Variants in STXBP5L observed in about 807,000 individuals in gnomAD.
The protein encoded by STXBP5L is syntaxin binding protein 5L, also known as syntaxin-binding protein 5-like.
A neutral mutation model predicts 144.5 loss-of-function variants in STXBP5L; 65 were observed. The observed-to-expected ratio is 0.45, with a 90% CI of 0.37 to 0.55. The LOEUF (loss-of-function observed/expected upper bound fraction) is 0.55. Among genes scored for constraint, STXBP5L ranks in the 20% least tolerant of loss-of-function variants. The probability of loss-of-function intolerance (pLI) is 0.00; values close to 1 mark genes in which losing one functional copy is unlikely to be tolerated. For missense variants in STXBP5L, 1,298 were observed against 1,405.5 expected (o/e 0.92, Z 1.22); for synonymous variants, 505 against 469.6 (o/e 1.08, Z -0.97).
At chr3:121,393,098 T>C (rs1446494103) in intron 22 of STXBP5L, among the ~76,000 whole-genome samples, 1 of 152,014 alleles carries the variant, frequency 6.6e-6, no homozygotes, top group Non-Finnish European at 1.5e-5. Context: ...AGTCTATTTT[T>C]TTATTTTTTA....
At chr3:121,064,127 G>A (rs541707267) in intron 5 of STXBP5L, among the ~76,000 whole-genome samples, 57 of 152,248 alleles carry the variant, frequency 3.7e-4, no homozygotes, top group Admixed American at 1.6e-3. Context: ...TGTAGGCTCC[G>A]GAGGGAATCT....
rs148634759 is a variant in STXBP5L, at chr3:121,229,833, C to A, written c.1112-3783C>A. On this transcript the variant is annotated intron_variant, in intron 11 of 26. Transcript: ENST00000471454. ...CTTCCCAAAGTGCTGAGAGTATAGGCTTGAGTCACCATGCTTGGCCAAGAG... is the reference window on the plus strand; with the variant it reads ...CTTCCCAAAGTGCTGAGAGTATAGGATTGAGTCACCATGCTTGGCCAAGAG... Among the ~76,000 whole-genome samples, 16 of 152,266 alleles carry A rather than the reference C, an allele frequency of 1.1e-4. No homozygotes were observed. In the East Asian group the frequency reaches 3.1e-3, roughly 29 times the overall value.
chr3:121,379,120 T>G (rs773450813), intron 21 of STXBP5L, among the ~76,000 whole-genome samples: 1 of 152,058 alleles, frequency 6.6e-6, no homozygotes, highest in Non-Finnish European at 1.5e-5. Context: ...TACCCCCTCC[T>G]CTGTACAAAG....
chr3:121,338,504 G>T (rs12638972), intron 20 of STXBP5L, among the ~76,000 whole-genome samples: 5 of 148,862 alleles, frequency 3.4e-5, no homozygotes, highest in African/African-American at 1.2e-4. Context: ...ATTAGCTGGG[G>T]GTGGTGGTGC....
chr3:121,368,704 A>C (rs1310155619), intron 20 of STXBP5L, among the ~76,000 whole-genome samples: 1 of 151,956 alleles, frequency 6.6e-6, no homozygotes, highest in East Asian at 1.9e-4. Context: ...TGTGCCAAGG[A>C]CTGGTCTGGG....
chr3:120,993,029 A>C (rs1175988760), intron 3 of STXBP5L, among the ~76,000 whole-genome samples: 1 of 151,918 alleles, frequency 6.6e-6, no homozygotes, highest in African/African-American at 2.4e-5. Context: ...TGTGGTTTTG[A>C]TTTGCATGTA....
intron 5 of STXBP5L, among the ~76,000 whole-genome samples, chr3:121,088,410 T>C (rs9852787): frequency 0.067 from 7,506 of 112,694 alleles, 269 homozygotes; most frequent in Admixed American, 0.14. Flanking sequence ...TCACACCAGT[T>C]AGAATGGCAA....
chr3:121,013,678 C>A (rs1002387971), intron 3 of STXBP5L, among the ~76,000 whole-genome samples: 12 of 151,892 alleles, frequency 7.9e-5, no homozygotes, highest in African/African-American at 2.7e-4. Context: ...TCAATTAGGT[C>A]CCAACTGTCA....
chr3:121,056,242 T>G (rs569759690), intron 5 of STXBP5L, among the ~76,000 whole-genome samples: 1 of 152,310 alleles, frequency 6.6e-6, no homozygotes, highest in African/African-American at 2.4e-5. Flanking sequence ...AAAACATTCA[T>G]ATTTTAGGCA....
chr3:121,379,246 C>T (rs1218324975), intron 21 of STXBP5L, among the ~76,000 whole-genome samples: 2 of 152,108 alleles, frequency 1.3e-5, no homozygotes, highest in Non-Finnish European at 2.9e-5. Context: ...GTATTGCAAC[C>T]TTAATTTCCT....
intron 5 of STXBP5L, among the ~76,000 whole-genome samples, chr3:121,098,678 C>T (rs554432566): frequency 1.8e-4 from 28 of 152,164 alleles, no homozygotes; most frequent in African/African-American, 6.5e-4. Context: ...CAAGTTTTGT[C>T]GGGAATACCT....
chr3:121,358,896 G>A lies in STXBP5L; in HGVS notation c.2177-19820G>A, dbSNP rs72969907. Reference sequence around the variant, plus strand: ...TTTGTTTATTTATTCATGTATGGATGGATGCTTAGGTTTTTTCCAAATATA... The same window carrying A: ...TTTGTTTATTTATTCATGTATGGATAGATGCTTAGGTTTTTTCCAAATATA... On this transcript the variant is annotated intron_variant, in intron 20 of 26. Coordinates refer to ENST00000471454, the MANE Select transcript of STXBP5L (RefSeq NM_001308330.2). Among the ~76,000 whole-genome samples the A allele has an allele frequency of 2.5e-3, 384 of 152,190 alleles. 2 individuals carry two copies. Among genetic ancestry groups the A allele is most frequent in the African/African-American group, 8.7e-3 (361 of 41,540 alleles).
At chr3:121,344,893 C>G (rs1390123303) in intron 20 of STXBP5L, among the ~76,000 whole-genome samples, 2 of 150,026 alleles carry the variant, frequency 1.3e-5, no homozygotes, top group Non-Finnish European at 3.0e-5. Context: ...TAAAATACCC[C>G]AAAACTTTAA....
chr3:120,998,718 C>A (rs1445775707), intron 3 of STXBP5L, among the ~76,000 whole-genome samples: 1 of 152,006 alleles, frequency 6.6e-6, no homozygotes, highest in East Asian at 1.9e-4. Flanking sequence ...TTCCTATACA[C>A]CAAAAACATC....
At chr3:121,231,971 C>G (rs928831647) in intron 11 of STXBP5L, among the ~76,000 whole-genome samples, 1 of 152,150 alleles carries the variant, frequency 6.6e-6, no homozygotes, top group Non-Finnish European at 1.5e-5. Context: ...CTTGTCCCTG[C>G]AAGCTTCAGA....
intron 19 of STXBP5L, among the ~76,000 whole-genome samples, chr3:121,287,873 T>C (rs967300027): frequency 2.6e-4 from 39 of 152,024 alleles, no homozygotes; most frequent in African/African-American, 9.4e-4. Flanking sequence ...AAAACATTGC[T>C]AAGAAAAGTT....
chr3:121,412,739 A>AAAC (rs2047143801), intron 23 of STXBP5L, among the ~76,000 whole-genome samples: 1 of 148,390 alleles, frequency 6.7e-6, no homozygotes, highest in African/African-American at 2.5e-5. Context: ...AAAAAAAAAA[A>AAAC]AAAAAAAAAA....
chr3:120,950,688 A>C (rs1711161822), intron 2 of STXBP5L, among the ~76,000 whole-genome samples: 1 of 152,200 alleles, frequency 6.6e-6, no homozygotes, highest in African/African-American at 2.4e-5. Context: ...TTCCATGCTC[A>C]TGGGTAGGAA....
chr3:121,212,626 A>G (rs983471293), intron 10 of STXBP5L, among the ~76,000 whole-genome samples: 6 of 152,106 alleles, frequency 3.9e-5, no homozygotes, highest in African/African-American at 9.7e-5. Flanking sequence ...GCCTTGCAGT[A>G]TAGTTTGAAG....
Sources: allele counts gnomAD v4.1 joint callset (sites outside exome capture counted in the v4.1 genomes callset), GRCh38; gene constraint gnomAD v4.1.1; transcripts MANE v1.5; gene names NCBI Gene and HGNC (gene_info 2026-07-23, HGNC 2026-07-21).